Variants in PCCA observed in about 807,000 individuals in gnomAD.
The protein encoded by PCCA is propionyl-CoA carboxylase subunit alpha, also known as propionyl-CoA carboxylase alpha chain, mitochondrial.
PCCA carries 74 observed loss-of-function variants against 101.3 expected under a neutral mutation model. The ratio of observed to expected loss-of-function variants is 0.73; its 90% CI spans 0.61 to 0.89. PCCA has a LOEUF of 0.89. Among genes scored for constraint, PCCA ranks in the 40% least tolerant of loss-of-function variants. The pLI, the probability that PCCA is intolerant of heterozygous loss-of-function variation, is 0.00. For missense variants in PCCA, 891 were observed against 907.0 expected, an observed-to-expected ratio of 0.98 and a Z score of 0.23; for synonymous variants, 294 against 313.6, an observed-to-expected ratio of 0.94 and a Z score of 0.66.
At chr13:100,118,419 A>G (rs1194883959) in intron 4 of PCCA, among the ~76,000 whole-genome samples, 1 of 151,416 alleles carries the variant, frequency 6.6e-6, no homozygotes, top group Non-Finnish European at 1.5e-5. Context: ...TAGTGCCCCT[A>G]TTCTCCCTCT....
At chr13:100,264,014 CGG>C (rs2062733419) in intron 10 of PCCA, among the ~76,000 whole-genome samples, 1 of 141,408 alleles carries the variant, frequency 7.1e-6, no homozygotes, top group Non-Finnish European at 1.5e-5. Context: ...CGTATATATA[CGG>C]TATCTGTATA....
chr13:100,344,710 G>A (rs531347861), intron 18 of PCCA, among the ~76,000 whole-genome samples: 1 of 152,134 alleles, frequency 6.6e-6, no homozygotes, highest in Non-Finnish European at 1.5e-5. Flanking sequence ...TGTCATACAG[G>A]CACACCTCAT....
At chr13:100,402,158 T>G (rs953861345) in intron 19 of PCCA, among the ~76,000 whole-genome samples, 4 of 152,216 alleles carry the variant, frequency 2.6e-5, no homozygotes, top group Non-Finnish European at 4.4e-5. Context: ...ACAACCATTA[T>G]AATACTTTAT....
intron 7 of PCCA, among the ~76,000 whole-genome samples, chr13:100,232,395 T>C (rs2060550581): frequency 6.7e-6 from 1 of 149,782 alleles, no homozygotes; most frequent in Admixed American, 6.7e-5. Context: ...TGTGTGTGGT[T>C]TTAGAGACGG....
At chr13:100,218,560 C>T (rs1276019838) in intron 7 of PCCA, among the ~76,000 whole-genome samples, 2 of 152,176 alleles carry the variant, frequency 1.3e-5, no homozygotes, top group African/African-American at 4.8e-5. Context: ...CTTTGTTCAG[C>T]TTTTTGAGGA....
chr13:100,499,112 T>C (rs2085485733), intron 21 of PCCA, among the ~76,000 whole-genome samples: 1 of 152,210 alleles, frequency 6.6e-6, no homozygotes, highest in Non-Finnish European at 1.5e-5. Flanking sequence ...ACTATGGGCG[T>C]GTGCAGTCAA....
chr13:100,462,024 T>C (rs1355380103), intron 21 of PCCA, among the ~76,000 whole-genome samples: 2 of 152,152 alleles, frequency 1.3e-5, no homozygotes, highest in Non-Finnish European at 2.9e-5. Flanking sequence ...GCAGACACTT[T>C]GTGGAGGGGT....
chr13:100,359,887 A>G (rs1236726840), intron 18 of PCCA, among the ~76,000 whole-genome samples: 2 of 152,224 alleles, frequency 1.3e-5, no homozygotes, highest in African/African-American at 4.8e-5. Flanking sequence ...GATTCAATGC[A>G]GGCCCGATAG....
chr13:100,367,976 TAAA>T (rs942843014), intron 18 of PCCA, among the ~76,000 whole-genome samples: 22 of 151,648 alleles, frequency 1.5e-4, no homozygotes, highest in African/African-American at 5.1e-4. Context: ...TAATAATAAT[TAAA>T]AAAAATTATA....
intron 20 of PCCA, among the ~76,000 whole-genome samples, chr13:100,431,481 T>C (rs1432840219): frequency 6.6e-6 from 1 of 152,240 alleles, no homozygotes; most frequent in Non-Finnish European, 1.5e-5. Context: ...TAGATAATCT[T>C]GTTCTACTCC....
chr13:100,123,049 A>G (rs556582718), intron 4 of PCCA, among the ~76,000 whole-genome samples: 5 of 152,368 alleles, frequency 3.3e-5, no homozygotes, highest in Non-Finnish European at 4.4e-5. Flanking sequence ...TAGTTATACA[A>G]TGAACTGAAT....
chr13:100,336,042 C>A (rs988480094), intron 17 of PCCA, among the ~76,000 whole-genome samples: 1 of 152,124 alleles, frequency 6.6e-6, no homozygotes, highest in South Asian at 2.1e-4. Context: ...TGGGGCGGAT[C>A]GCCTGAAGTC....
rs555156641 is a variant in PCCA at position 100,290,927 on chromosome 13, G to A, written c.1066-10533G>A. On this transcript the variant is annotated intron_variant, in intron 12 of 23. Transcript: ENST00000376285. ...TTTAGCTCAGAAATTCTAATTGTGC[G>A]TTACAGTTAGCCCTCCTTACCTACT... is the stretch of plus-strand genomic sequence containing the variant. Among the ~76,000 whole-genome samples the A allele has an allele frequency of 1.9e-3, 296 of 152,228 alleles. 2 individuals carry two copies. Among genetic ancestry groups the A allele is most frequent in the African/African-American group, 6.7e-3 (278 of 41,518 alleles).
intron 19 of PCCA, among the ~76,000 whole-genome samples, chr13:100,396,996 G>T (rs2077076710): frequency 6.6e-6 from 1 of 152,040 alleles, no homozygotes; most frequent in African/African-American, 2.4e-5. Context: ...TAGGGTATGG[G>T]GCCGACTGGC....
rs138675382 is a variant in PCCA at position 100,429,226 on chromosome 13, C to A, written c.1845+3495C>A. Among the ~76,000 whole-genome samples, 1,079 of 152,070 alleles carry A rather than the reference C, an allele frequency of 7.1e-3. 7 individuals are homozygous for A. The highest frequency in any genetic ancestry group is 0.012 in the Non-Finnish European group (809 of 67,992). On this transcript the variant is annotated intron_variant, in intron 20 of 23. Coordinates refer to ENST00000376285, the MANE Select transcript of PCCA (RefSeq NM_000282.4). ...AAACCTCCAAATTCTATTCCTGACT[C>A]CCCCTTTTCTCTCTCTGCTTGCTTC... is the stretch of plus-strand genomic sequence containing the variant.
intron 12 of PCCA, among the ~76,000 whole-genome samples, chr13:100,286,023 A>T (rs191908636): frequency 2.0e-5 from 3 of 152,190 alleles, no homozygotes; most frequent in Non-Finnish European, 4.4e-5. Context: ...ACTCTTCTAC[A>T]AGCTCTAATT....
At chr13:100,142,681 C>A (rs2052028070) in intron 4 of PCCA, among the ~76,000 whole-genome samples, 1 of 152,108 alleles carries the variant, frequency 6.6e-6, no homozygotes, top group African/African-American at 2.4e-5. Context: ...GCCATGTTGG[C>A]CAGGCTGGTC....
At chr13:100,242,907 T>G (rs1185370950) in intron 8 of PCCA, among the ~76,000 whole-genome samples, 3 of 151,890 alleles carry the variant, frequency 2.0e-5, no homozygotes, top group Non-Finnish European at 2.9e-5. Context: ...TGGTGGTGGT[T>G]GTTTTTTGAG....
At chr13:100,105,421 T>C (rs2047658973) in intron 2 of PCCA, among the ~76,000 whole-genome samples, 4 of 152,160 alleles carry the variant, frequency 2.6e-5, no homozygotes, top group Admixed American at 2.0e-4. Flanking sequence ...TAAGAGTAAT[T>C]AACTAACATT....
Sources: gnomAD v4.1 joint callset for allele counts (sites outside exome capture counted in the v4.1 genomes callset) on GRCh38, gnomAD v4.1.1 for gene constraint, MANE v1.5 for transcripts, NCBI Gene and HGNC (gene_info 2026-07-23, HGNC 2026-07-21) for gene names.